FRRS1L: variants seen among roughly 807,000 people sequenced by gnomAD.
FRRS1L encodes ferric chelate reductase 1 like.
Under a neutral mutation model 28.6 loss-of-function variants are expected in FRRS1L, and 22 were observed. That is an observed-to-expected ratio of 0.77 (90% CI 0.55 to 1.10). The LOEUF is 1.10. FRRS1L is among the 50% of genes least tolerant of loss of function. The pLI is 0.00. For missense variants in FRRS1L, 380 were observed against 386.9 expected, an observed-to-expected ratio of 0.98 and a Z score of 0.15; for synonymous variants, 158 against 151.4, an observed-to-expected ratio of 1.04 and a Z score of -0.32.
chr9:109,146,226 AAATAAAT>A, intron 3 of FRRS1L, among the ~76,000 whole-genome samples: 1 of 152,190 alleles, frequency 6.6e-6, no homozygotes, highest in African/African-American at 2.4e-5. Flanking sequence ...CAAATAAATT[AAATAAAT>A]AAATAAATAA....
At chr9:109,143,752 G>T (rs1477222349) in intron 3 of FRRS1L, among the ~76,000 whole-genome samples, 2 of 151,924 alleles carry the variant, frequency 1.3e-5, no homozygotes, top group African/African-American at 4.8e-5. Context: ...TGACCTCAGG[G>T]GATCCGCCTG....
Position 109,136,154 on chromosome 9 carries a change from C to T in FRRS1L, c.*1301G>A, listed in dbSNP as rs750633183. 1.3e-5 allele frequency: 2 copies of T among 151,764 alleles called. No homozygotes were observed. The highest frequency in any genetic ancestry group is 2.9e-5 in the Non-Finnish European group (2 of 68,038). 9.4% of individuals were successfully genotyped at this position (151,764 alleles called of 1,614,324 possible). ...GGCTGAGGCAGGAGAATCACTTGAA[C>T]CTGGGAGGCGGAGGTTGCAGTGAAG... is the stretch of plus-strand genomic sequence containing the variant. On this transcript the variant is annotated 3_prime_UTR_variant, in exon 5 of 5. Coordinates refer to ENST00000561981, the MANE Select transcript of FRRS1L (RefSeq NM_014334.4).
rs1588094036 is a variant in FRRS1L at position 109,131,715 on chromosome 9, C to A, written c.*5740G>T. On this transcript the variant is annotated 3_prime_UTR_variant, in exon 5 of 5. Transcript: ENST00000561981. ...TTTGAAAACTCTTAAGTTGAACCAT[C>A]CAAATTCGGGGATCGTCTGTGTATA... 6.6e-6 allele frequency: 1 copy of A among 152,336 alleles called. No homozygotes were observed. Among genetic ancestry groups the A allele is most frequent in the East Asian group, 1.9e-4 (1 of 5,192 alleles). The allele number at this position is 152,336 out of a possible 1,614,324, so 9.4% of individuals were successfully genotyped here. A position where few individuals can be genotyped will look rare whatever the true frequency, so the allele number is the denominator to read the frequency against.
intron 1 of FRRS1L, among the ~76,000 whole-genome samples, chr9:109,164,780 G>A (rs139157270): frequency 6.6e-6 from 1 of 152,286 alleles, no homozygotes; most frequent in Non-Finnish European, 1.5e-5. Context: ...AGAATGGTGG[G>A]GGCGCGAAGC....
In FRRS1L at chr9:109,166,759, C is replaced by T. The variant is rs570444605; in HGVS notation, c.238+142G>A. The T allele has an allele frequency of 4.1e-5, 18 of 439,982 alleles. No homozygotes were observed. In the East Asian group the frequency reaches 5.1e-4, roughly 12 times the overall value. The allele number at this position is 439,982 out of a possible 1,614,324, so 27.3% of individuals were successfully genotyped here. ...CTGGGCACTGCGCTCCCCATCCTGG[C>T]CTCGCCTCTGCAAGAGCTGCCTCCA... On this transcript the variant is annotated intron_variant, in intron 1 of 4. Transcript: ENST00000561981.
intron 1 of FRRS1L, among the ~76,000 whole-genome samples, chr9:109,164,787 A>G (rs1831526123): frequency 6.6e-6 from 1 of 152,174 alleles, no homozygotes; most frequent in Non-Finnish European, 1.5e-5. Context: ...TGGGGGCGCG[A>G]AGCAGACACA....
intron 1 of FRRS1L, among the ~76,000 whole-genome samples, chr9:109,155,532 G>A (rs567102050): frequency 6.6e-6 from 1 of 152,072 alleles, no homozygotes; most frequent in South Asian, 2.1e-4. Flanking sequence ...TGGCCAACAT[G>A]GTGAAACCCT....
In FRRS1L at chr9:109,133,769, T is replaced by A. The variant is rs1250790411; in HGVS notation, c.*3686A>T. On this transcript the variant is annotated 3_prime_UTR_variant, in exon 5 of 5. Transcript: ENST00000561981. ...TATATTTCACTAGCATTATTATTAA[T>A]CTATTCAGGTACTTTACGAAAAACA... 6.6e-6 allele frequency: 1 copy of A among 152,254 alleles called. No homozygotes were observed. The highest frequency in any genetic ancestry group is 1.5e-5 in the Non-Finnish European group (1 of 68,036). 9.4% of individuals were successfully genotyped at this position (152,254 alleles called of 1,614,324 possible).
In FRRS1L at chr9:109,167,098, G is replaced by T; in HGVS notation, c.41C>A (p.Ser14Ter). Residue 14 changes from serine (S) to a stop codon, truncating the protein, a stop_gained, in exon 1 of 5, where the codon TCG becomes TAG. Transcript: ENST00000561981. LOFTEE classifies it high-confidence loss of function. ...PPRQHPGVWA[S>*]LLLLLLTGPA... ...CCCCGTCAGTAGCAGCAGGAGCAGCGACGCCCAGACCCCCGGGTGCTGCCG... is the reference window on the plus strand; with the variant it reads ...CCCCGTCAGTAGCAGCAGGAGCAGCTACGCCCAGACCCCCGGGTGCTGCCG... The T allele has an allele frequency of 1.7e-6, 2 of 1,180,484 alleles. No homozygotes were observed. Among genetic ancestry groups the T allele is most frequent in the Non-Finnish European group, 2.1e-6 (2 of 956,374 alleles). 73.1% of individuals were successfully genotyped at this position (1,180,484 alleles called of 1,614,324 possible).
At chr9:109,162,245 G>C (rs1202749569) in intron 1 of FRRS1L, among the ~76,000 whole-genome samples, 1 of 152,228 alleles carries the variant, frequency 6.6e-6, no homozygotes, top group Non-Finnish European at 1.5e-5. Context: ...GAACCTAGGA[G>C]GTGGAGGTTG....
chr9:109,146,996 A>G, intron 3 of FRRS1L, 55 bp downstream of exon 3: 1 of 1,532,966 alleles, frequency 6.5e-7, no homozygotes, highest in Non-Finnish European at 9.0e-7. Context: ...TAAAATCAAA[A>G]TAGCACAGCC....
chr9:109,159,260 T>G (rs912028761), intron 1 of FRRS1L, among the ~76,000 whole-genome samples: 2 of 152,238 alleles, frequency 1.3e-5, no homozygotes, highest in African/African-American at 2.4e-5. Flanking sequence ...CTTTTTTTCT[T>G]GATTAATTTT....
chr9:109,150,513 A>G (rs1831319280), intron 1 of FRRS1L: 1 of 152,130 alleles, frequency 6.6e-6, no homozygotes, highest in Non-Finnish European at 1.5e-5. Context: ...ACCGCACCCA[A>G]CTTGTCGCTA....
chr9:109,166,006 C>T (rs763867585), intron 1 of FRRS1L, among the ~76,000 whole-genome samples: 3 of 152,196 alleles, frequency 2.0e-5, no homozygotes, highest in Non-Finnish European at 4.4e-5. Context: ...CTTGTTGAAG[C>T]TATTAATGTT....
intron 1 of FRRS1L, among the ~76,000 whole-genome samples, chr9:109,155,511 C>A (rs536937017): frequency 6.6e-6 from 1 of 151,922 alleles, no homozygotes; most frequent in African/African-American, 2.4e-5. Flanking sequence ...GTCAGGAGTT[C>A]GAGACCAGCC....
Position 109,166,897 on chromosome 9 carries a change from T to G in FRRS1L, c.238+4A>C. 1 of 969,590 alleles carries G rather than the reference T, an allele frequency of 1.0e-6. No homozygotes were observed. The allele number at this position is 969,590 out of a possible 1,614,324, so 60.1% of individuals were successfully genotyped here. The stretch of plus-strand genomic sequence containing the variant: ...CGCAACCCCTCGCCCTCCCGCAGCC[T>G]CACCCTCCTCCGACAGGTAGCGCAG... On this transcript the variant is annotated splice_donor_region_variant and intron_variant, in intron 1 of 4. Coordinates refer to ENST00000561981, the MANE Select transcript of FRRS1L (RefSeq NM_014334.4).
chr9:109,158,580 A>G (rs1393278058), intron 1 of FRRS1L, among the ~76,000 whole-genome samples: 1 of 152,220 alleles, frequency 6.6e-6, no homozygotes, highest in African/African-American at 2.4e-5. Context: ...TATCAATGGA[A>G]TCATACAACA....
In FRRS1L at chr9:109,130,649, G is replaced by A. The variant is rs1206836272; in HGVS notation, c.*6806C>T. On this transcript the variant is annotated 3_prime_UTR_variant, in exon 5 of 5. Coordinates refer to ENST00000561981, the MANE Select transcript of FRRS1L (RefSeq NM_014334.4). The stretch of plus-strand genomic sequence containing the variant: ...TATAACCTATCAATGTCTATGTAAA[G>A]GCATAGTTTTTACAAAATAGTATTT... 6.6e-6 allele frequency: 1 copy of A among 152,106 alleles called. No homozygotes were observed. The highest frequency in any genetic ancestry group is 1.5e-5 in the Non-Finnish European group (1 of 68,020). 9.4% of individuals were successfully genotyped at this position (152,106 alleles called of 1,614,324 possible). A position where few individuals can be genotyped will look rare whatever the true frequency, so the allele number is the denominator to read the frequency against.
chr9:109,143,510 A>G (rs1831215249), intron 3 of FRRS1L, among the ~76,000 whole-genome samples: 1 of 122,912 alleles, frequency 8.1e-6, no homozygotes, highest in East Asian at 2.4e-4. Flanking sequence ...GCACACAATA[A>G]TGCACCTTTT....
Sources: allele counts gnomAD v4.1 joint callset (sites outside exome capture counted in the v4.1 genomes callset), GRCh38; gene constraint gnomAD v4.1.1; transcripts MANE v1.5; gene names NCBI Gene and HGNC (gene_info 2026-07-23, HGNC 2026-07-21).